Variants in CSN1S1 observed in about 807,000 individuals in gnomAD.
CSN1S1 encodes the protein alpha-S1-casein.
In CSN1S1, 63 loss-of-function variants were observed where a neutral mutation model predicts 49.1. That is an observed-to-expected ratio of 1.28 (90% CI 1.05 to 1.58). CSN1S1 has a LOEUF of 1.58. Among genes scored for constraint, CSN1S1 ranks in the 40% most tolerant of loss-of-function variants. CSN1S1 has a pLI of 0.00. For missense variants in CSN1S1, 260 were observed against 224.7 expected, an observed-to-expected ratio of 1.16 and a Z score of -1.01; for synonymous variants, 78 against 67.1, an observed-to-expected ratio of 1.16 and a Z score of -0.79.
rs569608855 is a variant in CSN1S1 at position 69,944,861 on chromosome 4, G to A, written c.414G>A (p.Gln138=). The A allele has an allele frequency of 5.0e-6, 8 of 1,612,580 alleles. No homozygotes were observed. The Admixed American group carries it at 1.3e-4, about 27-fold the overall frequency. ...ENSHVQVPFQ[Q]LNQLAAYPYA... ...GTTTTTCCCTCTAGCCTTTCCAGCAGCTCAACCAACTTGCTGCCTACCCCT... is the reference window on the plus strand; with the variant it reads ...GTTTTTCCCTCTAGCCTTTCCAGCAACTCAACCAACTTGCTGCCTACCCCT... The change falls in exon 15 of 16, where the codon CAG becomes CAA. Residue 138 remains glutamine (Q), a synonymous_variant. Transcript: ENST00000246891.
At chr4:69,945,463 T>C (rs1723131992) in intron 15 of CSN1S1, among the ~76,000 whole-genome samples, 1 of 152,044 alleles carries the variant, frequency 6.6e-6, no homozygotes, top group African/African-American at 2.4e-5. Context: ...CTTGAAATTT[T>C]ATAATAATCC....
intron 4 of CSN1S1, among the ~76,000 whole-genome samples, chr4:69,935,683 A>G (rs1697616165): frequency 6.6e-6 from 1 of 151,986 alleles, no homozygotes; most frequent in African/African-American, 2.4e-5. Context: ...TTGTACCTAA[A>G]CGTTTGCCTC....
intron 14 of CSN1S1, among the ~76,000 whole-genome samples, chr4:69,944,306 T>C (rs1723079784): frequency 6.6e-6 from 1 of 151,880 alleles, no homozygotes; most frequent in African/African-American, 2.4e-5. Context: ...TATTCCAAAA[T>C]TATAGAAAGG....
At chr4:69,933,206 AAG>A (rs1222396290) in intron 2 of CSN1S1, among the ~76,000 whole-genome samples, 1 of 151,908 alleles carries the variant, frequency 6.6e-6, no homozygotes, top group Non-Finnish European at 1.5e-5. Flanking sequence ...TCTTCTCAAA[AAG>A]AGTGTTTATA....
chr4:69,939,315 G>C, intron 10 of CSN1S1, 107 bp downstream of exon 10: 2 of 659,010 alleles, frequency 3.0e-6, no homozygotes, highest in Non-Finnish European at 5.1e-6. Flanking sequence ...ACAAGGCAGT[G>C]TATATGTGGC....
chr4:69,944,899 A>G lies in CSN1S1; in HGVS notation c.452A>G (p.Tyr151Cys), dbSNP rs992166304. The G allele has an allele frequency of 6.2e-7, 1 of 1,612,864 alleles. No individual in the cohort carries two copies. The highest frequency in any genetic ancestry group is 1.3e-5 in the African/African-American group (1 of 74,836). Residue 151 changes from tyrosine to cysteine, a missense_variant, in exon 15 of 16, where the codon TAC (tyrosine) becomes TGC (cysteine). By Grantham distance (194) the Tyr-to-Cys change is radical. Transcript: ENST00000246891. ...QLAAYPYAVW[Y>C]YPQIMQYVPF... is the part of the protein sequence containing the mutation. ...GCTGCCTACCCCTATGCTGTTTGGTACTATCCACAAATCATGCAGTATGTT... is the reference window on the plus strand; with the variant it reads ...GCTGCCTACCCCTATGCTGTTTGGTGCTATCCACAAATCATGCAGTATGTT...
At chr4:69,944,780 T>C in intron 14 of CSN1S1, 70 bp from the exon 15 acceptor site, 1 of 1,471,252 alleles carries the variant, frequency 6.8e-7, no homozygotes, top group Non-Finnish European at 9.4e-7. Context: ...TGAGATGTAT[T>C]GATATTTTTC....
At chr4:69,940,131 A>T in intron 11 of CSN1S1, 87 bp downstream of exon 11, 2 of 517,240 alleles carry the variant, frequency 3.9e-6, no homozygotes, top group Non-Finnish European at 6.4e-6. Flanking sequence ...ACACACACAC[A>T]CACACACACA....
At chr4:69,939,300 A>C in intron 10 of CSN1S1, 92 bp downstream of exon 10, 8 of 899,708 alleles carry the variant, frequency 8.9e-6, no homozygotes, top group South Asian at 1.6e-5. Flanking sequence ...TTAAGGTCTC[A>C]TTGTACAAGG....
intron 14 of CSN1S1, among the ~76,000 whole-genome samples, chr4:69,943,778 A>C (rs1208709892): frequency 6.6e-6 from 1 of 152,030 alleles, no homozygotes; most frequent in Non-Finnish European, 1.5e-5. Flanking sequence ...GCAAAAAAGA[A>C]TACACAAGAG....
intron 13 of CSN1S1, 23 bp from the exon 14 acceptor site, chr4:69,942,513 A>G (rs1160262980): frequency 6.4e-7 from 1 of 1,562,594 alleles, no homozygotes; most frequent in Admixed American, 1.8e-5. Context: ...TAAGTAATTT[A>G]GAATGTGTTT....
chr4:69,937,452 A>G (rs766527551), intron 8 of CSN1S1, among the ~76,000 whole-genome samples: 2 of 150,160 alleles, frequency 1.3e-5, no homozygotes, highest in Non-Finnish European at 3.0e-5. Context: ...GCTCTCCTTT[A>G]GTCCAGTTGT....
intron 1 of CSN1S1, 81 bp downstream of exon 1, chr4:69,931,198 G>A (rs968967494): frequency 3.3e-5 from 5 of 151,778 alleles, no homozygotes; most frequent in Admixed American, 3.3e-4. Context: ...AAGTATATTT[G>A]TACCATTTCC....
rs77440121 is a variant in CSN1S1, at chr4:69,941,666, A to T, written c.343-380A>T. Reference sequence around the variant, plus strand: ...TTGCATGCTAGCATTTTTAATCGTTATCAATAGAGGAAGATGAAAATCAGT... The same window carrying T: ...TTGCATGCTAGCATTTTTAATCGTTTTCAATAGAGGAAGATGAAAATCAGT... On this transcript the variant is annotated intron_variant, in intron 12 of 15. Coordinates refer to ENST00000246891, the MANE Select transcript of CSN1S1 (RefSeq NM_001890.2). Among the ~76,000 whole-genome samples the T allele has an allele frequency of 3.8e-4, 58 of 152,054 alleles. No individual in the cohort carries two copies. The East Asian group carries it at 9.7e-3, about 25-fold the overall frequency.
At chr4:69,944,505 G>A (rs1723086806) in intron 14 of CSN1S1, among the ~76,000 whole-genome samples, 1 of 151,886 alleles carries the variant, frequency 6.6e-6, no homozygotes, top group Non-Finnish European at 1.5e-5. Context: ...ATTCCCTTGA[G>A]TTTATAACGT....
In CSN1S1 at chr4:69,944,989, T is replaced by C; in HGVS notation, c.542T>C (p.Val181Ala). 6.2e-7 allele frequency: 1 copy of C among 1,612,646 alleles called. No individual in the cohort carries two copies. The highest frequency in any genetic ancestry group is 8.5e-7 in the Non-Finnish European group (1 of 1,179,070). Residue 181 changes from valine (V) to alanine (A), a missense_variant, in exon 15 of 16, where the codon GTC (valine) becomes GCC (alanine). Physicochemically the swap from Val to Ala is moderately conservative, Grantham distance 64. Coordinates refer to ENST00000246891, the MANE Select transcript of CSN1S1 (RefSeq NM_001890.2). ...CATGAAAATTATGAAAAAAATAACG[T>C]CATGCTACAGTGGTGGTAAGTTCAT... ...TAHENYEKNN[V>A]MLQW is the part of the protein sequence containing the mutation.
rs200177207 is a variant in CSN1S1, at chr4:69,939,191, A to T, written c.259A>T (p.Ile87Phe). 4 of 1,600,296 alleles carry T rather than the reference A, an allele frequency of 2.5e-6. No individual in the cohort carries two copies. The highest frequency in any genetic ancestry group is 1.7e-6 in the Non-Finnish European group (2 of 1,170,418). The change falls in exon 10 of 16, where the codon ATC becomes TTC. Residue 87 changes from isoleucine (I) to phenylalanine (F), a missense_variant. Physicochemically the swap from Ile to Phe is conservative, Grantham distance 21. Transcript: ENST00000246891. ...VAEPEKMESS[I>F]SSSSEEMSLS... is the part of the protein sequence containing the mutation. ...TTTCTTTTAGAAGATGGAATCCAGCATCAGTTCATCGAGTGAGGTAAATAA... is the reference window on the plus strand; with the variant it reads ...TTTCTTTTAGAAGATGGAATCCAGCTTCAGTTCATCGAGTGAGGTAAATAA...
intron 4 of CSN1S1, 88 bp downstream of exon 4, chr4:69,934,798 T>C (rs1414578316): frequency 8.4e-7 from 1 of 1,183,948 alleles, no homozygotes; most frequent in Non-Finnish European, 1.2e-6. Context: ...TCTTCTTCTT[T>C]ACAATTTTTA....
chr4:69,942,451 T>A (rs1315929969), intron 13 of CSN1S1, 85 bp from the exon 14 acceptor site: 3 of 1,034,656 alleles, frequency 2.9e-6, no homozygotes, highest in Non-Finnish European at 4.4e-6. Context: ...TGAATGATGT[T>A]ATGTATACTT....
Sources: allele counts gnomAD v4.1 joint callset (sites outside exome capture counted in the v4.1 genomes callset), GRCh38; gene constraint gnomAD v4.1.1; transcripts MANE v1.5; gene names NCBI Gene and HGNC (gene_info 2026-07-23, HGNC 2026-07-21).